Variants in TMEM132B observed in about 807,000 individuals in gnomAD.
TMEM132B encodes transmembrane protein 132B.
Under a neutral mutation model 90.8 loss-of-function variants are expected in TMEM132B, and 18 were observed. That is an observed-to-expected ratio of 0.20 (90% confidence interval 0.14 to 0.29). The LOEUF (loss-of-function observed/expected upper bound fraction) is 0.29, where lower values mean the gene tolerates loss of function less well. Ranked by LOEUF, TMEM132B falls within the 10% of genes least tolerant of loss-of-function variation. The pLI, the probability that TMEM132B is intolerant of heterozygous loss-of-function variation, is 1.00. For synonymous variants in TMEM132B, 504 were observed against 523.3 expected, an observed-to-expected ratio of 0.96 and a Z score of 0.50; for missense variants, 1,096 against 1,326.8, an observed-to-expected ratio of 0.83 and a Z score of 2.70.
intron 3 of TMEM132B, among the ~76,000 whole-genome samples, chr12:125,486,338 A>T (rs1021362713): frequency 6.6e-6 from 1 of 152,286 alleles, no homozygotes; most frequent in South Asian, 2.1e-4. Flanking sequence ...ACATGGTGTT[A>T]TAGTGTATTG....
rs76285640 is a variant in TMEM132B at position 125,333,245 on chromosome 12, G to A, written c.68-16207G>A. 1.7e-3 allele frequency among the ~76,000 whole-genome samples: 261 copies of A among 152,224 alleles called. 5 individuals carry two copies. The East Asian group carries it at 0.04, about 24-fold the overall frequency. ...AGTCTCCCTGTCCTTTCTCTTATAA[G>A]GACGTCTGTCATTGGTTTTAGGGTG... On this transcript the variant is annotated intron_variant, in intron 1 of 8. Coordinates refer to ENST00000682704, the MANE Select transcript of TMEM132B (RefSeq NM_001366854.1).
In TMEM132B at chr12:125,186,469, G is replaced by A. The variant is rs1040190286; in HGVS notation, c.-331G>A. On this transcript the variant is annotated 5_prime_UTR_variant, in exon 1 of 9. Coordinates refer to ENST00000682704, the MANE Select transcript of TMEM132B (RefSeq NM_001366854.1). This position sits in a 1 kb window ranked among gnomAD's most constrained non-coding sequence, Gnocchi z 6.3. ...GGCGGCGGCGCGACCGGGATGGGAC[G>A]GGCGCTGGGGCGCAGGAGCCGCGGC... Among the ~76,000 whole-genome samples the A allele has an allele frequency of 4.2e-4, 62 of 146,466 alleles. No homozygotes were observed. Among genetic ancestry groups the A allele is most frequent in the African/African-American group, 1.5e-3 (62 of 40,948 alleles).
chr12:125,413,694 A>G (rs1879923845), intron 2 of TMEM132B, among the ~76,000 whole-genome samples: 1 of 152,248 alleles, frequency 6.6e-6, no homozygotes, highest in African/African-American at 2.4e-5. Context: ...TTATGGCTGA[A>G]TAATATTCCG....
At chr12:125,609,674 G>A (rs564595839) in intron 5 of TMEM132B, among the ~76,000 whole-genome samples, 5 of 151,756 alleles carry the variant, frequency 3.3e-5, no homozygotes, top group African/African-American at 7.2e-5. Context: ...AAAATTAGCC[G>A]GGCGTGGTGG....
chr12:125,317,253 A>G (rs1876307015), intron 1 of TMEM132B, among the ~76,000 whole-genome samples: 1 of 152,108 alleles, frequency 6.6e-6, no homozygotes, highest in Non-Finnish European at 1.5e-5. Context: ...GTATACTCAA[A>G]GCGATTGGAA....
chr12:125,449,611 T>A (rs1156869906), intron 3 of TMEM132B, among the ~76,000 whole-genome samples: 1 of 152,204 alleles, frequency 6.6e-6, no homozygotes. Flanking sequence ...CTCCTTTCTG[T>A]TTAATTTGCT....
chr12:125,438,136 T>G (rs1880755956), intron 3 of TMEM132B, among the ~76,000 whole-genome samples: 1 of 152,230 alleles, frequency 6.6e-6, no homozygotes, highest in Non-Finnish European at 1.5e-5. Context: ...ATCAACTGCA[T>G]TCTTCTCCCT....
chr12:125,270,622 G>A (rs1000811814), intron 1 of TMEM132B, among the ~76,000 whole-genome samples: 1 of 152,186 alleles, frequency 6.6e-6, no homozygotes, highest in Non-Finnish European at 1.5e-5. Context: ...GCTTCCAGGA[G>A]CAGAGTGAAA....
chr12:125,406,525 T>C lies in TMEM132B; in HGVS notation c.960-9006T>C, dbSNP rs161714. ...ACTGGTCTGGACTGAGCCATGCTCCTCTTTGCATTTCCAAGTGCTTCATGT... is the reference window on the plus strand; with the variant it reads ...ACTGGTCTGGACTGAGCCATGCTCCCCTTTGCATTTCCAAGTGCTTCATGT... On this transcript the variant is annotated intron_variant, in intron 2 of 8. Coordinates refer to ENST00000682704, the MANE Select transcript of TMEM132B (RefSeq NM_001366854.1). The surrounding 1 kb of genome is among the most constrained non-coding windows in gnomAD (Gnocchi z 8.3). Among the ~76,000 whole-genome samples the C allele has an allele frequency of 0.36, 54,940 of 152,142 alleles. 13,004 individuals carry two copies. Among genetic ancestry groups the C allele is most frequent in the East Asian group, 0.67 (3,485 of 5,176 alleles).
chr12:125,250,837 C>G (rs930405934), intron 1 of TMEM132B, among the ~76,000 whole-genome samples: 5 of 152,228 alleles, frequency 3.3e-5, no homozygotes, highest in African/African-American at 1.2e-4. Flanking sequence ...TGCCCACGGT[C>G]TGCTGGGTAA....
intron 4 of TMEM132B, among the ~76,000 whole-genome samples, chr12:125,573,735 G>A (rs1456935923): frequency 6.6e-6 from 1 of 152,186 alleles, no homozygotes; most frequent in African/African-American, 2.4e-5. Flanking sequence ...GTGAAGTCTT[G>A]TGTTCTTAGA....
At chr12:125,230,806 A>G (rs190082825) in intron 1 of TMEM132B, among the ~76,000 whole-genome samples, 41 of 151,792 alleles carry the variant, frequency 2.7e-4, no homozygotes, top group Middle Eastern at 3.4e-3. Flanking sequence ...TCTGTGTTTT[A>G]TCAAGTCTTC....
intron 4 of TMEM132B, among the ~76,000 whole-genome samples, chr12:125,521,062 T>C (rs1023522899): frequency 6.6e-6 from 1 of 152,174 alleles, no homozygotes; most frequent in Non-Finnish European, 1.5e-5. Flanking sequence ...TGGGAACCCA[T>C]CTATAAATTC....
intron 5 of TMEM132B, among the ~76,000 whole-genome samples, chr12:125,639,824 G>A (rs1169734215): frequency 6.6e-6 from 1 of 152,204 alleles, no homozygotes; most frequent in East Asian, 1.9e-4. Flanking sequence ...CTGAGGGGTG[G>A]CATTTGAGAT....
intron 4 of TMEM132B, among the ~76,000 whole-genome samples, chr12:125,581,509 T>G (rs946555828): frequency 1.3e-5 from 2 of 152,206 alleles, no homozygotes; most frequent in Non-Finnish European, 2.9e-5. Context: ...ATACCTGGAT[T>G]GACTGTATTT....
chr12:125,400,971 C>G (rs781214115), intron 2 of TMEM132B, among the ~76,000 whole-genome samples: 2 of 152,126 alleles, frequency 1.3e-5, no homozygotes, highest in Non-Finnish European at 2.9e-5. Flanking sequence ...GGTCCTGCCC[C>G]CCAGACCTAT....
intron 3 of TMEM132B, among the ~76,000 whole-genome samples, chr12:125,431,515 C>T (rs879385556): frequency 5.3e-5 from 8 of 151,974 alleles, no homozygotes; most frequent in Non-Finnish European, 8.8e-5. Context: ...TCGTACTGAG[C>T]GACGTGCTTA....
chr12:125,453,253 CT>C (rs1226553006), intron 3 of TMEM132B, among the ~76,000 whole-genome samples: 1 of 151,978 alleles, frequency 6.6e-6, no homozygotes, highest in East Asian at 1.9e-4. Context: ...AAGGAGTTGC[CT>C]TTTTCCATCA....
chr12:125,418,932 C>T (rs891331929), intron 3 of TMEM132B, among the ~76,000 whole-genome samples: 3 of 152,086 alleles, frequency 2.0e-5, no homozygotes, highest in Non-Finnish European at 4.4e-5. Flanking sequence ...TAACACTGAA[C>T]CAAGGGAACC....
Sources: allele counts gnomAD v4.1 joint callset (sites outside exome capture counted in the v4.1 genomes callset), GRCh38; gene constraint gnomAD v4.1.1; non-coding constraint Gnocchi (gnomAD v3.1); transcripts MANE v1.5; gene names NCBI Gene and HGNC (gene_info 2026-07-23, HGNC 2026-07-21).